The following ELMO1 variants were observed in gnomAD, a reference collection of about 807,000 sequenced individuals.
ELMO1 encodes the protein engulfment and cell motility protein 1.
ELMO1 carries 26 observed loss-of-function variants against 98.9 expected under a neutral mutation model. The observed-to-expected ratio is 0.26, with a 90% CI of 0.19 to 0.36. ELMO1 has a LOEUF of 0.36. Among genes scored for constraint, ELMO1 ranks in the 10% least tolerant of loss-of-function variants. ELMO1 has a pLI of 1.00. For synonymous variants in ELMO1, 346 were observed against 346.0 expected (o/e 1.00, Z 0.00); for missense variants, 627 against 935.2 (o/e 0.67, Z 4.30).
chr7:37,257,979 C>T (rs1022991414), intron 6 of ELMO1, among the ~76,000 whole-genome samples: 10 of 151,664 alleles, frequency 6.6e-5, no homozygotes. Context: ...ACTAAAAATA[C>T]AAAAATTAGG....
At chr7:36,888,991 T>C (rs1805294220) in intron 17 of ELMO1, among the ~76,000 whole-genome samples, 1 of 152,222 alleles carries the variant, frequency 6.6e-6, no homozygotes, top group South Asian at 2.1e-4. Flanking sequence ...ATCATTCCCA[T>C]CATTCCCATC....
intron 1 of ELMO1, among the ~76,000 whole-genome samples, chr7:37,431,342 T>TAAA (rs59912926): frequency 1.2e-3 from 159 of 132,560 alleles, no homozygotes; most frequent in African/African-American, 3.4e-3. Flanking sequence ...GTCTCTAAAA[T>TAAA]AAAAAAAAAT....
intron 1 of ELMO1, among the ~76,000 whole-genome samples, chr7:37,415,034 C>T (rs936045433): frequency 1.3e-5 from 2 of 152,214 alleles, no homozygotes; most frequent in Non-Finnish European, 2.9e-5. Context: ...ACCAATTACA[C>T]AAAACCAAGT....
intron 15 of ELMO1, among the ~76,000 whole-genome samples, chr7:37,020,863 C>T (rs1794226547): frequency 6.6e-6 from 1 of 152,108 alleles, no homozygotes; most frequent in Admixed American, 6.6e-5. Flanking sequence ...ATATATCATA[C>T]ACACACAAAG....
chr7:37,291,390 CCT>C (rs1450267361), intron 4 of ELMO1, among the ~76,000 whole-genome samples: 1 of 152,086 alleles, frequency 6.6e-6, no homozygotes, highest in Non-Finnish European at 1.5e-5. Context: ...GTCTTATAAA[CCT>C]CTGTTTGACA....
intron 16 of ELMO1, among the ~76,000 whole-genome samples, chr7:36,970,472 G>A (rs1789841523): frequency 6.6e-6 from 1 of 152,178 alleles, no homozygotes; most frequent in Non-Finnish European, 1.5e-5. Context: ...TTAGTCCACT[G>A]GAGGCTTCCC....
intron 1 of ELMO1, among the ~76,000 whole-genome samples, chr7:37,347,479 T>C (rs1034233438): frequency 4.0e-5 from 6 of 151,576 alleles, no homozygotes; most frequent in African/African-American, 1.5e-4. Context: ...CAGGGGAAGT[T>C]TTCCCCCATA....
At chr7:36,936,705 T>C (rs1786563678) in intron 16 of ELMO1, among the ~76,000 whole-genome samples, 1 of 152,188 alleles carries the variant, frequency 6.6e-6, no homozygotes, top group South Asian at 2.1e-4. Context: ...TTTTCCTTCT[T>C]GGCTTCCGAA....
At chr7:37,179,667 A>G (rs1044058351) in intron 13 of ELMO1, among the ~76,000 whole-genome samples, 26 of 151,984 alleles carry the variant, frequency 1.7e-4, no homozygotes, top group African/African-American at 6.0e-4. Context: ...GGAAAGAGGA[A>G]CAAAGACTTG....
chr7:37,292,709 C>A (rs1202841810), intron 4 of ELMO1, among the ~76,000 whole-genome samples: 3 of 57,736 alleles, frequency 5.2e-5, no homozygotes, highest in African/African-American at 5.6e-5. Context: ...CGTCTCCGCC[C>A]GGCAGCCGCC....
At chr7:37,100,935 A>T (rs1397541372) in intron 14 of ELMO1, among the ~76,000 whole-genome samples, 1 of 152,230 alleles carries the variant, frequency 6.6e-6, no homozygotes, top group Non-Finnish European at 1.5e-5. Flanking sequence ...ATAAAACCCA[A>T]TTCATGGGAC....
intron 13 of ELMO1, among the ~76,000 whole-genome samples, chr7:37,142,705 C>A (rs1787717486): frequency 6.6e-6 from 1 of 152,184 alleles, no homozygotes; most frequent in South Asian, 2.1e-4. Context: ...CATAGGCCAG[C>A]TGACACAGGA....
At chr7:37,193,008 TACAC>T (rs10592735) in intron 13 of ELMO1, among the ~76,000 whole-genome samples, 3 of 125,110 alleles carry the variant, frequency 2.4e-5, no homozygotes, top group Admixed American at 8.0e-5. Context: ...TATATATATA[TACAC>T]ACACACACAT....
intron 6 of ELMO1, among the ~76,000 whole-genome samples, chr7:37,250,791 CAAAAAAAAA>C (rs574487076): frequency 1.5e-5 from 1 of 64,836 alleles, no homozygotes; most frequent in African/African-American, 5.4e-5. Flanking sequence ...GACTCCGTCT[CAAAAAAAAA>C]AAAAAAAAAA....
chr7:37,390,164 G>A (rs1803006655), intron 1 of ELMO1, among the ~76,000 whole-genome samples: 1 of 152,232 alleles, frequency 6.6e-6, no homozygotes, highest in Non-Finnish European at 1.5e-5. Context: ...ACGGTAACTG[G>A]AATTTAGACC....
intron 16 of ELMO1, among the ~76,000 whole-genome samples, chr7:36,998,523 A>C (rs1305617106): frequency 1.3e-5 from 2 of 152,148 alleles, no homozygotes; most frequent in Non-Finnish European, 2.9e-5. Flanking sequence ...CATTGTATAC[A>C]TATATAAATA....
chr7:37,043,793 C>T (rs781144715), intron 15 of ELMO1, among the ~76,000 whole-genome samples: 4 of 151,868 alleles, frequency 2.6e-5, no homozygotes, highest in Admixed American at 6.6e-5. Context: ...GAGCAGGGAG[C>T]CCAGCACACA....
chr7:37,228,123 G>C (rs1013176442), intron 8 of ELMO1, among the ~76,000 whole-genome samples: 3 of 152,176 alleles, frequency 2.0e-5, no homozygotes, highest in African/African-American at 7.2e-5. Flanking sequence ...ACTGGTTTTA[G>C]CCAGATATTC....
intron 13 of ELMO1, among the ~76,000 whole-genome samples, chr7:37,152,168 C>T (rs1194653853): frequency 6.6e-6 from 1 of 152,210 alleles, no homozygotes; most frequent in African/African-American, 2.4e-5. Flanking sequence ...TCCTTGTGAA[C>T]CTCATGCAGT....
Sources: gnomAD v4.1 joint callset for allele counts (sites outside exome capture counted in the v4.1 genomes callset) on GRCh38, gnomAD v4.1.1 for gene constraint, MANE v1.5 for transcripts, NCBI Gene and HGNC (gene_info 2026-07-23, HGNC 2026-07-21) for gene names.